FSTL5: variants seen among roughly 807,000 people sequenced by gnomAD.
FSTL5 encodes follistatin-related protein 5.
In FSTL5, 62 loss-of-function variants were observed where a neutral mutation model predicts 89.1. The ratio of observed to expected loss-of-function variants is 0.70; its 90% CI spans 0.57 to 0.86. The LOEUF (loss-of-function observed/expected upper bound fraction) is 0.86. Ranked by LOEUF, FSTL5 falls within the 40% of genes least tolerant of loss-of-function variation. The pLI is 0.00. For synonymous variants in FSTL5, 383 were observed against 346.2 expected (o/e 1.11, Z -1.18); for missense variants, 1,057 against 1,001.6 (o/e 1.06, Z -0.75).
rs544029134 is a variant in FSTL5, at chr4:161,577,473, C to CAAAAAAAAAAAAAAAAAAAAAAA, written c.1015+9981_1015+9982insTTTTTTTTTTTTTTTTTTTTTTT. 3.6e-5 allele frequency among the ~76,000 whole-genome samples: 4 copies of CAAAAAAAAAAAAAAAAAAAAAAA among 110,202 alleles called. 1 individual carries two copies. Among genetic ancestry groups the CAAAAAAAAAAAAAAAAAAAAAAA allele is most frequent in the African/African-American group, 6.9e-5 (2 of 29,002 alleles). The allele number at this position is 110,202 out of a possible 152,430, so 72.3% of individuals were successfully genotyped here. ...CCCTGAAAGAAGAGAAGAAAAAAGA[C>CAAAAAAAAAAAAAAAAAAAAAAA]AAAAAAAAAAAAAAAAAAGGAAACA... is the stretch of plus-strand genomic sequence containing the variant. On this transcript the variant is annotated intron_variant, in intron 8 of 15. Transcript: ENST00000306100.
intron 7 of FSTL5, among the ~76,000 whole-genome samples, chr4:161,601,781 T>C (rs1333431530): frequency 1.3e-5 from 2 of 152,062 alleles, no homozygotes; most frequent in African/African-American, 2.4e-5. Context: ...ATTGTAATCA[T>C]AGTGGCTAAC....
rs183384313 is a variant in FSTL5, at chr4:162,065,539, A to C, written c.127-31881T>G. On this transcript the variant is annotated intron_variant, in intron 2 of 15. Transcript: ENST00000306100. ...AGTACATGCGAGCATAGCTATTATC[A>C]AAAAGACAAGAGGTAACACATTTGC... is the stretch of plus-strand genomic sequence containing the variant. Among the ~76,000 whole-genome samples the C allele has an allele frequency of 6.4e-4, 98 of 152,160 alleles. 1 individual carries two copies. Among genetic ancestry groups the C allele is most frequent in the African/African-American group, 2.3e-3 (95 of 41,546 alleles).
chr4:161,553,605 A>C (rs572829436), intron 8 of FSTL5, among the ~76,000 whole-genome samples: 2 of 151,530 alleles, frequency 1.3e-5, no homozygotes, highest in Middle Eastern at 3.4e-3. Context: ...GCATTGAAAA[A>C]AAAATACATT....
At chr4:161,456,593 G>T (rs1340283166) in intron 14 of FSTL5, among the ~76,000 whole-genome samples, 1 of 152,146 alleles carries the variant, frequency 6.6e-6, no homozygotes, top group Non-Finnish European at 1.5e-5. Context: ...CACAATGAGG[G>T]CTTGCCCATA....
intron 6 of FSTL5, among the ~76,000 whole-genome samples, chr4:161,686,527 T>G (rs1043940900): frequency 1.3e-4 from 20 of 150,144 alleles, no homozygotes; most frequent in Non-Finnish European, 2.2e-4. Flanking sequence ...CCCAGCTAAT[T>G]TTTTTGGTAT....
intron 4 of FSTL5, among the ~76,000 whole-genome samples, chr4:161,828,779 AAC>A (rs990991349): frequency 1.2e-4 from 19 of 152,170 alleles, no homozygotes; most frequent in African/African-American, 4.3e-4. Context: ...CTCTAAATTT[AAC>A]AGTTATATTT....
intron 1 of FSTL5, among the ~76,000 whole-genome samples, chr4:162,119,056 T>C (rs915803203): frequency 2.0e-5 from 3 of 151,994 alleles, no homozygotes; most frequent in African/African-American, 7.2e-5. Context: ...ACCCCCTCTC[T>C]AAAAAATATA....
rs538626493 is a variant in FSTL5 at position 161,705,618 on chromosome 4, C to T, written c.728-49124G>A. 4.5e-3 allele frequency among the ~76,000 whole-genome samples: 685 copies of T among 151,854 alleles called. 2 individuals carry two copies. The highest frequency in any genetic ancestry group is 0.016 in the African/African-American group (659 of 41,458). On this transcript the variant is annotated intron_variant, in intron 6 of 15. Transcript: ENST00000306100. ...TTCCGGGTCAACTGCCTACTGCCTG[C>T]GCTACTCTGTACTTTGTGATTTGAT...
At chr4:161,880,924 G>C (rs1440545460) in intron 4 of FSTL5, among the ~76,000 whole-genome samples, 1 of 151,986 alleles carries the variant, frequency 6.6e-6, no homozygotes, top group Non-Finnish European at 1.5e-5. Context: ...CTCAGCAAAG[G>C]AAATTTTTTT....
intron 6 of FSTL5, among the ~76,000 whole-genome samples, chr4:161,719,180 T>C (rs1739105491): frequency 6.6e-6 from 1 of 152,214 alleles, no homozygotes; most frequent in African/African-American, 2.4e-5. Flanking sequence ...TCCTGTTTTC[T>C]CAACAACATT....
rs113473914 is a variant in FSTL5, at chr4:161,427,075, C to A, written c.1841+27929G>T. 8.8e-3 allele frequency among the ~76,000 whole-genome samples: 1,343 copies of A among 152,294 alleles called. 3 individuals carry two copies. The highest frequency in any genetic ancestry group is 0.016 in the Non-Finnish European group (1,078 of 68,022). On this transcript the variant is annotated intron_variant, in intron 15 of 15. Coordinates refer to ENST00000306100, the MANE Select transcript of FSTL5 (RefSeq NM_020116.5). The stretch of plus-strand genomic sequence containing the variant: ...ATAGAATTTAGCTAGAGTTAGAGAA[C>A]TTCTATATTAGACACTAATGTTTCA...
At chr4:162,097,899 C>A (rs192783259) in intron 2 of FSTL5, among the ~76,000 whole-genome samples, 35 of 151,990 alleles carry the variant, frequency 2.3e-4, no homozygotes, top group African/African-American at 8.4e-4. Context: ...AGAAAAAGGT[C>A]TGGTAGTTTC....
rs563187263 is a variant in FSTL5, at chr4:161,385,820, C to T, written c.2471G>A (p.Arg824Gln). 9 of 1,613,012 alleles carry T rather than the reference C, an allele frequency of 5.6e-6. No individual in the cohort carries two copies. The highest frequency in any genetic ancestry group is 4.4e-5 in the South Asian group (4 of 90,812). The change falls in exon 16 of 16, where the codon CGA (arginine) becomes CAA (glutamine). Residue 824 changes from arginine to glutamine, a missense_variant. Around this residue, in one of 3 missense-constraint regions of FSTL5, gnomAD observed 68 missense variants for 73.3 expected, o/e 0.93. Coordinates refer to ENST00000306100, the MANE Select transcript of FSTL5 (RefSeq NM_020116.5). ...GATCTCACAGTTTAATTTATTGAGTCGTCCATCTAGGATGAAGAGAGAGTC... is the reference window on the plus strand; with the variant it reads ...GATCTCACAGTTTAATTTATTGAGTTGTCCATCTAGGATGAAGAGAGAGTC... The part of the protein sequence containing the change: ...SKDSLFILDG[R>Q]LNKLNCEITE...
chr4:162,095,575 T>C (rs944311544), intron 2 of FSTL5, among the ~76,000 whole-genome samples: 3 of 151,996 alleles, frequency 2.0e-5, no homozygotes, highest in African/African-American at 7.2e-5. Context: ...AGGAACGGTT[T>C]TTCAAAGAGA....
rs1464955065 is a variant in FSTL5, at chr4:161,887,455, TC to T, written c.409+32948del. On this transcript the variant is annotated intron_variant, in intron 4 of 15. Coordinates refer to ENST00000306100, the MANE Select transcript of FSTL5 (RefSeq NM_020116.5). ...CTATCTACCTATCATCTATAATCTA[TC>T]AGTCTATCTGTCTGTTTTTCTATCT... Among the ~76,000 whole-genome samples, 1,001 of 148,014 alleles carry T rather than the reference TC, an allele frequency of 6.8e-3. 12 individuals carry two copies. Among genetic ancestry groups the T allele is most frequent in the African/African-American group, 0.025 (967 of 38,890 alleles).
intron 15 of FSTL5, among the ~76,000 whole-genome samples, chr4:161,442,539 A>G (rs1451586720): frequency 3.3e-5 from 5 of 152,110 alleles, no homozygotes; most frequent in Admixed American, 3.3e-4. Context: ...CGAAGTTTTC[A>G]GTAAGATAAA....
At chr4:161,510,157 T>C (rs1377007774) in intron 11 of FSTL5, among the ~76,000 whole-genome samples, 1 of 152,178 alleles carries the variant, frequency 6.6e-6, no homozygotes. Flanking sequence ...TTTCATACTT[T>C]TAAAGTATTT....
chr4:161,878,834 T>C (rs1190323768), intron 4 of FSTL5, among the ~76,000 whole-genome samples: 4 of 152,172 alleles, frequency 2.6e-5, no homozygotes, highest in African/African-American at 9.6e-5. Flanking sequence ...CTAGAAATGT[T>C]CTGTCTATAT....
intron 1 of FSTL5, among the ~76,000 whole-genome samples, chr4:162,149,568 G>A (rs1259004022): frequency 1.3e-5 from 2 of 151,914 alleles, no homozygotes; most frequent in Non-Finnish European, 2.9e-5. Flanking sequence ...CACAAAGATC[G>A]CTAGAGCCCA....
Sources: allele counts gnomAD v4.1 joint callset (sites outside exome capture counted in the v4.1 genomes callset), GRCh38; gene constraint gnomAD v4.1.1; regional missense constraint gnomAD v4.1.1; transcripts MANE v1.5; gene names NCBI Gene and HGNC (gene_info 2026-07-23, HGNC 2026-07-21).